SCNN1A: variants seen among roughly 807,000 people sequenced by gnomAD.
SCNN1A encodes the protein sodium channel epithelial 1 subunit alpha, also known as epithelial sodium channel subunit alpha.
Under a neutral mutation model 68.6 loss-of-function variants are expected in SCNN1A, and 65 were observed. That is an observed-to-expected ratio of 0.95 (90% CI 0.78 to 1.16). SCNN1A has a LOEUF of 1.16. Ranked by LOEUF, SCNN1A falls within the 50% of genes most tolerant of loss-of-function variation. The pLI is 0.00. For synonymous variants in SCNN1A, 357 were observed against 353.3 expected, an observed-to-expected ratio of 1.01 and a Z score of -0.12; for missense variants, 880 against 865.9, an observed-to-expected ratio of 1.02 and a Z score of -0.20.
chr12:6,377,259 C>T, upstream of SCNN1A: 1 of 1,551,048 alleles, frequency 6.4e-7, no homozygotes, highest in Non-Finnish European at 8.7e-7. Flanking sequence ...TACCTTGATA[C>T]TGCTCATGAT....
chr12:6,349,113 A>G, intron 10 of SCNN1A, 51 bp downstream of exon 10: 2 of 1,601,922 alleles, frequency 1.2e-6, no homozygotes, highest in African/African-American at 1.3e-5. Context: ...AGAAGGCCAC[A>G]GCATTACATG....
At position 6,374,654 on chromosome 12, in the gene SCNN1A, C is replaced by A; in HGVS notation, c.130G>T (p.Glu44Ter). Residue 44 changes from glutamate to a stop codon, truncating the protein, a stop_gained, in exon 2 of 13, where the codon GAG becomes TAG. Transcript: ENST00000228916. LOFTEE classifies it high-confidence loss of function. The surrounding 1 kb of genome is among the most constrained non-coding windows in gnomAD (Gnocchi z 6.2). ...TGGAACTCGATCAGGGCCTCCTCCT[C>A]CGCCGTGGGCTGCTGGGGCGCCGCA... ...EPAAPQQPTA[E>*]EEALIEFHRS... 2 of 1,613,596 alleles carry A rather than the reference C, an allele frequency of 1.2e-6. No homozygotes were observed. Among genetic ancestry groups the A allele is most frequent in the Non-Finnish European group, 1.7e-6 (2 of 1,179,754 alleles).
At chr12:6,353,375 A>G (rs1239864404) in intron 8 of SCNN1A, among the ~76,000 whole-genome samples, 1 of 151,990 alleles carries the variant, frequency 6.6e-6, no homozygotes, top group Non-Finnish European at 1.5e-5. Context: ...GTATCTTCTA[A>G]TATTTTCTTC....
At position 6,349,311 on chromosome 12, in the gene SCNN1A, G is replaced by A. The variant is rs2136850345; in HGVS notation, c.1439+16C>T. The A allele has an allele frequency of 1.2e-6, 2 of 1,613,632 alleles. No individual in the cohort carries two copies. The highest frequency in any genetic ancestry group is 2.2e-5 in the East Asian group (1 of 44,874). On this transcript the variant is annotated intron_variant, in intron 9 of 12. Transcript: ENST00000228916. The stretch of plus-strand genomic sequence containing the variant: ...TGTATTCTACCCAACCTGTACCCGG[G>A]GAAGGGGACACTAACCTGCATGGCT...
intron 1 of SCNN1A, chr12:6,375,208 C>A: frequency 6.9e-7 from 1 of 1,445,108 alleles, no homozygotes; most frequent in Non-Finnish European, 9.0e-7. Context: ...CACTCCCTCT[C>A]TATCTGCCTT....
At position 6,374,999 on chromosome 12, in the gene SCNN1A, C is replaced by G; in HGVS notation, c.-54-162G>C. 2 of 1,549,534 alleles carry G rather than the reference C, an allele frequency of 1.3e-6. No homozygotes were observed. The highest frequency in any genetic ancestry group is 8.7e-7 in the Non-Finnish European group (1 of 1,147,592). On this transcript the variant is annotated intron_variant, in intron 1 of 12. Coordinates refer to ENST00000228916, the MANE Select transcript of SCNN1A (RefSeq NM_001038.6). This position sits in a 1 kb window ranked among gnomAD's most constrained non-coding sequence, Gnocchi z 6.2. ...CCCACATTCTCCCACTCCTCCCTCC[C>G]TCCTCCACCTTTCCTGGAGCCAGCA...
At chr12:6,376,632 G>T (rs1948915078), upstream of SCNN1A, among the ~76,000 whole-genome samples, 1 of 152,240 alleles carries the variant, frequency 6.6e-6, no homozygotes. Flanking sequence ...TGCAGCAAAA[G>T]GATAAGGAGT....
chr12:6,367,253 A>T (rs1838743462), intron 2 of SCNN1A, among the ~76,000 whole-genome samples: 1 of 152,242 alleles, frequency 6.6e-6, no homozygotes, highest in South Asian at 2.1e-4. Flanking sequence ...AATAAAAAAG[A>T]ATGGCAATCA....
chr12:6,348,554 C>T (rs181227465), intron 12 of SCNN1A, among the ~76,000 whole-genome samples, 173 bp downstream of exon 12: 152 of 142,922 alleles, frequency 1.1e-3, no homozygotes, highest in African/African-American at 3.7e-3. Flanking sequence ...ATGCCCCGGC[C>T]GAGCTCCTTC....
intron 2 of SCNN1A, among the ~76,000 whole-genome samples, chr12:6,367,654 A>C (rs1332688763): frequency 6.6e-6 from 1 of 152,226 alleles, no homozygotes; most frequent in Admixed American, 6.5e-5. Flanking sequence ...GCACCGGGTA[A>C]TGGGAGTGTT....
chr12:6,367,313 G>A (rs1948697113), intron 2 of SCNN1A, among the ~76,000 whole-genome samples: 1 of 152,212 alleles, frequency 6.6e-6, no homozygotes, highest in South Asian at 2.1e-4. Context: ...TATGGTATTA[G>A]AATGTGCATT....
chr12:6,375,573 C>T (rs1262743293), upstream of SCNN1A: 3 of 1,534,072 alleles, frequency 2.0e-6, no homozygotes, highest in East Asian at 7.4e-5. Context: ...CGACAGGAAT[C>T]TCATTAGCAT....
In SCNN1A at chr12:6,363,682, C is replaced by G; in HGVS notation, c.445G>C (p.Glu149Gln). ...GTCTGCTCTGTGATGCGGTCCAGCT[C>G]CTCCAGCTCCTCTTTAATTTCCGGG... ...RYPEIKEELE[E>Q]LDRITEQTLF... The change falls in exon 3 of 13, where the codon GAG (glutamate) becomes CAG (glutamine). Residue 149 changes from glutamate (E) to glutamine (Q), a missense_variant. Glu to Gln is a conservative substitution (Grantham distance 29). Around this residue, in one of 3 missense-constraint regions of SCNN1A, gnomAD observed 758 missense variants for 721.8 expected, o/e 1.05. Transcript: ENST00000228916. The G allele has an allele frequency of 2.5e-6, 4 of 1,602,682 alleles. No individual in the cohort carries two copies. Among genetic ancestry groups the G allele is most frequent in the Non-Finnish European group, 3.4e-6 (4 of 1,173,742 alleles).
Position 6,348,821 on chromosome 12 carries a change from G to A in SCNN1A, c.1554-19C>T. The A allele has an allele frequency of 6.2e-7, 1 of 1,612,090 alleles. No homozygotes were observed. The highest frequency in any genetic ancestry group is 1.1e-5 in the South Asian group (1 of 91,004). ...TCCATTTCTTAGGTGTGGGGCAGAG[G>A]GTGGGAAGAAATGGTAGAGGATGAA... is the stretch of plus-strand genomic sequence containing the variant. On this transcript the variant is annotated intron_variant, in intron 11 of 12. Transcript: ENST00000228916.
chr12:6,354,958 G>C lies in SCNN1A; in HGVS notation c.1144-110C>G, dbSNP rs1047739609. ...TCACACCTGCCAGCCCCTCCTACTG[G>C]CCTCGCCCTCTCAATACATGCTTCC... is the stretch of plus-strand genomic sequence containing the variant. On this transcript the variant is annotated intron_variant, in intron 6 of 12. Coordinates refer to ENST00000228916, the MANE Select transcript of SCNN1A (RefSeq NM_001038.6). 4 of 942,126 alleles carry C rather than the reference G, an allele frequency of 4.2e-6. No individual in the cohort carries two copies. In the African/African-American group the frequency reaches 6.5e-5, roughly 15 times the overall value. 58.4% of individuals were successfully genotyped at this position (942,126 alleles called of 1,614,324 possible).
intron 8 of SCNN1A, among the ~76,000 whole-genome samples, chr12:6,353,502 G>A (rs2136861984): frequency 1.3e-5 from 2 of 152,190 alleles, no homozygotes; most frequent in Middle Eastern, 6.8e-3. Context: ...AACCTTAGGA[G>A]CCATTGAGGA....
rs763756714 is a variant in SCNN1A at position 6,349,411 on chromosome 12, G to C, written c.1361-6C>G. 1.9e-6 allele frequency: 3 copies of C among 1,574,608 alleles called. No individual in the cohort carries two copies. Among genetic ancestry groups the C allele is most frequent in the Admixed American group, 1.9e-5 (1 of 53,946 alleles). ...GAGCTTATAGTAGCAGTACCCTGTG[G>C]GTACAGAGAGATGCCTGTTCTCCTA... On this transcript the variant is annotated splice_region_variant and splice_polypyrimidine_tract_variant and intron_variant, in intron 8 of 12. Coordinates refer to ENST00000228916, the MANE Select transcript of SCNN1A (RefSeq NM_001038.6).
intron 2 of SCNN1A, among the ~76,000 whole-genome samples, chr12:6,371,531 C>G (rs1413638433): frequency 2.1e-5 from 1 of 47,160 alleles, no homozygotes; most frequent in Non-Finnish European, 4.0e-5. Context: ...GGCGGGGGGG[C>G]GGGGGGTGGG....
intron 4 of SCNN1A, among the ~76,000 whole-genome samples, chr12:6,357,467 G>A (rs1417488318): frequency 2.6e-5 from 4 of 151,778 alleles, no homozygotes; most frequent in Non-Finnish European, 2.9e-5. Context: ...TCAGCTAGTC[G>A]GGAGGCTGAG....
Sources: gnomAD v4.1 joint callset for allele counts (sites outside exome capture counted in the v4.1 genomes callset) on GRCh38, gnomAD v4.1.1 for gene constraint, gnomAD v4.1.1 regional missense constraint, Gnocchi (gnomAD v3.1) non-coding constraint, MANE v1.5 for transcripts, NCBI Gene and HGNC (gene_info 2026-07-23, HGNC 2026-07-21) for gene names.